Variants in IQGAP2 observed in about 807,000 individuals in gnomAD.
IQGAP2 encodes the protein ras GTPase-activating-like protein IQGAP2.
A neutral mutation model predicts 201.3 loss-of-function variants in IQGAP2; 173 were observed. The observed-to-expected ratio is 0.86, with a 90% CI of 0.76 to 0.98. IQGAP2 has a LOEUF of 0.98. Ranked by LOEUF, IQGAP2 falls within the 50% of genes least tolerant of loss-of-function variation. IQGAP2 has a pLI of 0.00. For missense variants in IQGAP2, 1,687 were observed against 1,864.8 expected (o/e 0.90, Z 1.76); for synonymous variants, 675 against 673.9 (o/e 1.00, Z -0.03).
At chr5:76,462,727 A>G (rs1033586859) in intron 2 of IQGAP2, among the ~76,000 whole-genome samples, 2 of 152,176 alleles carry the variant, frequency 1.3e-5, no homozygotes, top group African/African-American at 4.8e-5. Flanking sequence ...GAGGTTTTTA[A>G]TCAGTATTTT....
intron 32 of IQGAP2, among the ~76,000 whole-genome samples, chr5:76,696,471 C>T (rs1237111087): frequency 6.6e-6 from 1 of 152,058 alleles, no homozygotes; most frequent in African/African-American, 2.4e-5. Context: ...TGGCTGAGAT[C>T]TGTTTGTCAA....
intron 5 of IQGAP2, among the ~76,000 whole-genome samples, chr5:76,580,401 C>G (rs1745763962): frequency 6.6e-6 from 1 of 152,186 alleles, no homozygotes; most frequent in Admixed American, 6.5e-5. Flanking sequence ...CCACTGCACT[C>G]CAGCCTGGGC....
intron 2 of IQGAP2, among the ~76,000 whole-genome samples, chr5:76,502,112 A>G (rs141617650): frequency 1.3e-5 from 2 of 152,322 alleles, no homozygotes; most frequent in East Asian, 3.9e-4. Flanking sequence ...TGCCAAGCTG[A>G]AAAGCTGACT....
intron 15 of IQGAP2, 103 bp downstream of exon 15, chr5:76,632,129 A>C: frequency 1.0e-6 from 1 of 994,046 alleles, no homozygotes; most frequent in Non-Finnish European, 1.4e-6. Context: ...TCAAATTAAC[A>C]TTTCTGTAAT....
Position 76,403,448 on chromosome 5 carries a change from G to A in IQGAP2, c.-98G>A. The A allele has an allele frequency of 2.2e-6, 2 of 909,802 alleles. No homozygotes were observed. The highest frequency in any genetic ancestry group is 3.0e-6 in the Non-Finnish European group (2 of 672,346). 56.4% of individuals were successfully genotyped at this position (909,802 alleles called of 1,614,324 possible). On this transcript the variant is annotated 5_prime_UTR_variant, in exon 1 of 36. Coordinates refer to ENST00000274364, the MANE Select transcript of IQGAP2 (RefSeq NM_006633.5). The surrounding 1 kb of genome is among the most constrained non-coding windows in gnomAD (Gnocchi z 4.8). ...GGCTAGGGGAAATCGGCGAGAGGCG[G>A]GATCCGAGCGCGCCGGCGGGGCGCA...
chr5:76,472,079 G>A (rs1235584155), intron 2 of IQGAP2, among the ~76,000 whole-genome samples: 1 of 152,186 alleles, frequency 6.6e-6, no homozygotes, highest in Non-Finnish European at 1.5e-5. Context: ...AGGGTGCAGT[G>A]AGCTGAGAGC....
At chr5:76,651,612 A>G (rs1029855554) in intron 17 of IQGAP2, among the ~76,000 whole-genome samples, 13 of 152,200 alleles carry the variant, frequency 8.5e-5, no homozygotes, top group African/African-American at 2.2e-4. Flanking sequence ...AAAAATAATA[A>G]GAAAATAAAA....
chr5:76,560,019 A>C (rs758533620), intron 2 of IQGAP2, among the ~76,000 whole-genome samples: 1 of 152,160 alleles, frequency 6.6e-6, no homozygotes, highest in Non-Finnish European at 1.5e-5. Flanking sequence ...CAGTCCCTTC[A>C]TTATACTAAA....
chr5:76,459,950 A>C (rs1754337563), intron 1 of IQGAP2, among the ~76,000 whole-genome samples: 1 of 152,068 alleles, frequency 6.6e-6, no homozygotes. Flanking sequence ...AAAAATTATA[A>C]TTTTTAAAGT....
intron 2 of IQGAP2, among the ~76,000 whole-genome samples, chr5:76,514,418 T>G (rs4516825): frequency 0.28 from 42,709 of 151,968 alleles, 7,228 homozygotes; most frequent in East Asian, 0.9. Flanking sequence ...GTGGATGAGC[T>G]TTTCCTTATC....
intron 1 of IQGAP2, among the ~76,000 whole-genome samples, chr5:76,441,138 T>G (rs1225951597): frequency 1.3e-5 from 2 of 152,180 alleles, no homozygotes; most frequent in African/African-American, 4.8e-5. Context: ...CTTGGTTTCC[T>G]CATTTCGTGA....
Position 76,590,550 on chromosome 5 carries a change from T to C in IQGAP2, c.783T>C (p.Asp261=), listed in dbSNP as rs151083253. 2.5e-6 allele frequency: 4 copies of C among 1,609,218 alleles called. No individual in the cohort carries two copies. The African/African-American group carries it at 4.0e-5, about 16-fold the overall frequency. Residue 261 remains aspartate, a synonymous_variant, in exon 8 of 36, where the codon GAT becomes GAC. Transcript: ENST00000274364. ...CAGAATATCAGAAAGAACTCTGGGA[T>C]GCCAAAAAGAAAAAAGAGGAAAATG... ...LAPEYQKELW[D]AKKKKEENAR... is the part of the protein sequence containing the mutation.
chr5:76,438,020 T>G (rs531074528), intron 1 of IQGAP2, among the ~76,000 whole-genome samples: 2,907 of 81,852 alleles, frequency 0.036, 102 homozygotes, highest in African/African-American at 0.086. Flanking sequence ...TTTTTTTTTT[T>G]TTTTTTTTTT....
At chr5:76,541,559 G>C (rs1180538774) in intron 2 of IQGAP2, among the ~76,000 whole-genome samples, 3 of 152,108 alleles carry the variant, frequency 2.0e-5, no homozygotes, top group African/African-American at 7.2e-5. Context: ...ACCTATACTG[G>C]ATCACAAAGT....
At chr5:76,622,511 TACAG>T (rs1749798381) in intron 13 of IQGAP2, among the ~76,000 whole-genome samples, 1 of 152,198 alleles carries the variant, frequency 6.6e-6, no homozygotes, top group African/African-American at 2.4e-5. Context: ...GAGTAACAGG[TACAG>T]ACCTATCCCA....
intron 4 of IQGAP2, among the ~76,000 whole-genome samples, chr5:76,575,044 C>G (rs879679228): frequency 1.3e-5 from 2 of 152,008 alleles, no homozygotes; most frequent in South Asian, 2.1e-4. Context: ...CACATGCACA[C>G]ATATATATAA....
chr5:76,411,712 T>G (rs1310762176), intron 1 of IQGAP2, among the ~76,000 whole-genome samples: 1 of 152,212 alleles, frequency 6.6e-6, no homozygotes. Flanking sequence ...CCTCCAGAAC[T>G]GTGCGGAAAC....
chr5:76,551,562 A>G (rs1743525886), intron 2 of IQGAP2, among the ~76,000 whole-genome samples: 1 of 152,108 alleles, frequency 6.6e-6, no homozygotes, highest in Non-Finnish European at 1.5e-5. Flanking sequence ...CAGCCTGGGC[A>G]ACATTGAGCA....
At chr5:76,429,076 C>CAAAAA (rs58775525) in intron 1 of IQGAP2, among the ~76,000 whole-genome samples, 1 of 138,382 alleles carries the variant, frequency 7.2e-6, no homozygotes, top group Non-Finnish European at 1.5e-5. Context: ...GACTCTGTCT[C>CAAAAA]AAAAAAAAAA....
Sources: allele counts gnomAD v4.1 joint callset (sites outside exome capture counted in the v4.1 genomes callset), GRCh38; gene constraint gnomAD v4.1.1; non-coding constraint Gnocchi (gnomAD v3.1); transcripts MANE v1.5; gene names NCBI Gene and HGNC (gene_info 2026-07-23, HGNC 2026-07-21).